WDFY4: variants seen among roughly 807,000 people sequenced by gnomAD.
The protein encoded by WDFY4 is WD repeat- and FYVE domain-containing protein 4.
Under a neutral mutation model 351.9 loss-of-function variants are expected in WDFY4, and 169 were observed. The observed-to-expected ratio is 0.48, with a 90% CI of 0.42 to 0.55. The LOEUF (loss-of-function observed/expected upper bound fraction) is 0.55. Among genes scored for constraint, WDFY4 ranks in the 20% least tolerant of loss-of-function variants. WDFY4 has a pLI of 0.00. For missense variants in WDFY4, 3,803 were observed against 3,935.6 expected (o/e 0.97, Z 0.90); for synonymous variants, 1,622 against 1,574.6 (o/e 1.03, Z -0.71).
At chr10:48,862,611 A>G (rs2069383861) in intron 39 of WDFY4, among the ~76,000 whole-genome samples, 1 of 152,238 alleles carries the variant, frequency 6.6e-6, no homozygotes, top group Non-Finnish European at 1.5e-5. Flanking sequence ...TTATTTCATT[A>G]TATATTACAA....
chr10:48,981,611 C>T, intron 61 of WDFY4, 133 bp downstream of exon 61: 1 of 752,582 alleles, frequency 1.3e-6, no homozygotes, highest in Non-Finnish European at 2.1e-6. Context: ...CCCCACCAAG[C>T]ACAGGAAGCA....
At chr10:48,832,766 G>C in intron 39 of WDFY4, 57 bp downstream of exon 39, 1 of 1,451,238 alleles carries the variant, frequency 6.9e-7, no homozygotes, top group African/African-American at 1.4e-5. Flanking sequence ...CAAACCCCAT[G>C]AGTCATATCT....
intron 54 of WDFY4, among the ~76,000 whole-genome samples, chr10:48,966,026 C>T (rs1396205491): frequency 6.6e-6 from 1 of 152,068 alleles, no homozygotes; most frequent in Non-Finnish European, 1.5e-5. Flanking sequence ...AAATAGGCCA[C>T]TAATGGGATT....
At chr10:48,871,465 G>T (rs1348920761) in intron 40 of WDFY4, among the ~76,000 whole-genome samples, 3 of 148,960 alleles carry the variant, frequency 2.0e-5, no homozygotes, top group Non-Finnish European at 4.4e-5. Flanking sequence ...TTTTCTGGTG[G>T]CCCCCCCCTT....
chr10:48,777,604 T>C, intron 17 of WDFY4, 109 bp downstream of exon 17: 1 of 1,128,994 alleles, frequency 8.9e-7, no homozygotes, highest in Non-Finnish European at 1.3e-6. Flanking sequence ...GTGTGAGCTG[T>C]GCTGGGCATG....
intron 16 of WDFY4, 28 bp downstream of exon 16, chr10:48,777,012 T>C: frequency 2.0e-6 from 3 of 1,534,840 alleles, no homozygotes; most frequent in Non-Finnish European, 2.6e-6. Context: ...ATATTTAAAA[T>C]GCACTTTATT....
chr10:48,943,582 G>T, intron 49 of WDFY4, 133 bp downstream of exon 49: 1 of 923,382 alleles, frequency 1.1e-6, no homozygotes, highest in Non-Finnish European at 1.5e-6. Flanking sequence ...CCTAAAGGCT[G>T]CTGAAGCTCA....
At chr10:48,971,134 C>CT (rs373622349) in intron 57 of WDFY4, among the ~76,000 whole-genome samples, 111 of 152,298 alleles carry the variant, frequency 7.3e-4, no homozygotes, top group African/African-American at 2.6e-3. Flanking sequence ...CTAGGGGACA[C>CT]TTTCAACTCT....
intron 12 of WDFY4, among the ~76,000 whole-genome samples, chr10:48,745,096 T>A (rs1361231344): frequency 6.6e-6 from 1 of 152,242 alleles, no homozygotes; most frequent in African/African-American, 2.4e-5. Context: ...TCCATCTTCT[T>A]TTTACATGTA....
At position 48,736,007 on chromosome 10, in the gene WDFY4, C is replaced by T. The variant is rs867436716; in HGVS notation, c.1815C>T (p.Ile605=). The T allele has an allele frequency of 1.9e-6, 3 of 1,551,910 alleles. No individual in the cohort carries two copies. In the East Asian group the frequency reaches 7.3e-5, roughly 38 times the overall value. Residue 605 remains isoleucine (I), a synonymous_variant, in exon 11 of 62, where the codon ATC becomes ATT. Transcript: ENST00000325239. The part of the protein sequence containing the change: ...SAINAEEYMS[I]IVGALCSSTQ... ...TCAACGCCGAGGAGTACATGAGCAT[C>T]ATTGTGGGTGCTCTATGCTCATCCA...
At chr10:48,761,965 AC>A (rs1230191599) in intron 13 of WDFY4, among the ~76,000 whole-genome samples, 1 of 152,212 alleles carries the variant, frequency 6.6e-6, no homozygotes, top group African/African-American at 2.4e-5. Flanking sequence ...CCAGTTGTGA[AC>A]CTGGTATTGA....
chr10:48,909,988 A>T (rs1837853820), intron 47 of WDFY4: 7 of 526,034 alleles, frequency 1.3e-5, no homozygotes, highest in Admixed American at 9.5e-5. Context: ...ATTTTCTTAA[A>T]TTTTTTTCTA....
chr10:48,952,352 C>A (rs1384207850), intron 51 of WDFY4, among the ~76,000 whole-genome samples: 1 of 152,196 alleles, frequency 6.6e-6, no homozygotes, highest in African/African-American at 2.4e-5. Context: ...AAACTGCCAG[C>A]CTCCCTCTGA....
At chr10:48,789,432 C>A (rs748974978) in intron 21 of WDFY4, among the ~76,000 whole-genome samples, 4 of 152,190 alleles carry the variant, frequency 2.6e-5, no homozygotes, top group African/African-American at 9.7e-5. Context: ...AGCAACACAC[C>A]GCTTTCTGAT....
intron 58 of WDFY4, among the ~76,000 whole-genome samples, chr10:48,976,083 A>G (rs947673848): frequency 6.6e-6 from 1 of 152,214 alleles, no homozygotes; most frequent in Non-Finnish European, 1.5e-5. Context: ...GGTATCAGAC[A>G]TGGCCTCTGG....
intron 43 of WDFY4, among the ~76,000 whole-genome samples, chr10:48,889,388 G>A (rs2070594982): frequency 6.6e-6 from 1 of 152,210 alleles, no homozygotes; most frequent in Non-Finnish European, 1.5e-5. Context: ...CACCACTGTG[G>A]CCTTGTCATT....
intron 31 of WDFY4, 117 bp downstream of exon 31, chr10:48,814,199 T>A: frequency 7.4e-7 from 1 of 1,348,966 alleles, no homozygotes; most frequent in South Asian, 1.6e-5. Context: ...ATTAGCCAGA[T>A]CCTGTAGAAG....
intron 2 of WDFY4, among the ~76,000 whole-genome samples, chr10:48,716,004 C>A (rs978442648): frequency 2.6e-5 from 4 of 152,060 alleles, no homozygotes; most frequent in African/African-American, 9.7e-5. Context: ...GTAAGCCCTC[C>A]TCTTTGTCCA....
chr10:48,922,784 T>G lies in WDFY4; in HGVS notation c.7587-19022T>G, dbSNP rs568881812. Among the ~76,000 whole-genome samples, 4 of 152,324 alleles carry G rather than the reference T, an allele frequency of 2.6e-5. No homozygotes were observed. In the South Asian group the frequency reaches 8.3e-4, roughly 32 times the overall value. On this transcript the variant is annotated intron_variant, in intron 47 of 61. Coordinates refer to ENST00000325239, the MANE Select transcript of WDFY4 (RefSeq NM_001394531.1). ...GCATTTTGCCTAATAAAAAAATGTC[T>G]CAAACGTCTACATGAATGGAATGAT...
Sources: gnomAD v4.1 joint callset for allele counts (sites outside exome capture counted in the v4.1 genomes callset) on GRCh38, gnomAD v4.1.1 for gene constraint, MANE v1.5 for transcripts, NCBI Gene and HGNC (gene_info 2026-07-23, HGNC 2026-07-21) for gene names.